The following FCRL5 variants were observed in gnomAD, a reference collection of about 807,000 sequenced individuals.
FCRL5 encodes Fc receptor like 5, also known as Fc receptor-like protein 5.
Under a neutral mutation model 92.1 loss-of-function variants are expected in FCRL5, and 79 were observed. The ratio of observed to expected loss-of-function variants is 0.86; its 90% CI spans 0.72 to 1.03. The LOEUF (loss-of-function observed/expected upper bound fraction) is 1.03, where lower values mean the gene tolerates loss of function less well. FCRL5 is among the 50% of genes least tolerant of loss of function. FCRL5 has a pLI of 0.00. For synonymous variants in FCRL5, 466 were observed against 469.3 expected (o/e 0.99, Z 0.09); for missense variants, 1,160 against 1,181.1 (o/e 0.98, Z 0.26).
At chr1:157,520,597 A>C in intron 11 of FCRL5, 50 bp from the exon 12 acceptor site, 1 of 1,431,908 alleles carries the variant, frequency 7.0e-7, no homozygotes, top group Non-Finnish European at 9.6e-7. Flanking sequence ...GTGGTCTGGA[A>C]CTGCCCGCTC....
At chr1:157,527,166 A>G (rs1650467833) in intron 9 of FCRL5, among the ~76,000 whole-genome samples, 1 of 152,130 alleles carries the variant, frequency 6.6e-6, no homozygotes, top group African/African-American at 2.4e-5. Context: ...TGGGAACCCA[A>G]CCCACTCTGG....
At chr1:157,533,138 C>G (rs984620872) in intron 8 of FCRL5, 5 of 152,050 alleles carry the variant, frequency 3.3e-5, no homozygotes, top group Admixed American at 2.6e-4. Context: ...TATTTTTAAC[C>G]TCAAAGTCAA....
intron 10 of FCRL5, among the ~76,000 whole-genome samples, chr1:157,523,180 A>G (rs1409885530): frequency 6.6e-6 from 1 of 152,226 alleles, no homozygotes; most frequent in East Asian, 1.9e-4. Context: ...ACCTTGCCAA[A>G]GGGAATAAGA....
chr1:157,527,768 C>G lies in FCRL5; in HGVS notation c.1809G>C (p.Glu603Asp), dbSNP rs751829223. The G allele has an allele frequency of 1.9e-6, 3 of 1,614,162 alleles. No homozygotes were observed. Among genetic ancestry groups the G allele is most frequent in the Non-Finnish European group, 2.5e-6 (3 of 1,180,024 alleles). The change falls in exon 9 of 17, where the codon GAG (glutamate) becomes GAC (aspartate). Residue 603 changes from glutamate (E) to aspartate (D), a missense_variant. Coordinates refer to ENST00000361835, the MANE Select transcript of FCRL5 (RefSeq NM_031281.3). ...SPPILYWFYH[E>D]DVTLGSSSAP... ...CTGAGCTGCTCCCCAGGGTGACATC[C>G]TCATGATAAAACCAGTACAGGATTG...
At chr1:157,532,748 A>T (rs1650755337) in intron 8 of FCRL5, 1 of 152,148 alleles carries the variant, frequency 6.6e-6, no homozygotes, top group Non-Finnish European at 1.5e-5. Context: ...TAGTCTGGAG[A>T]GGGGCTTTGA....
intron 5 of FCRL5, among the ~76,000 whole-genome samples, 197 bp from the exon 6 acceptor site, chr1:157,543,334 A>G (rs952108567): frequency 1.3e-5 from 2 of 152,142 alleles, no homozygotes; most frequent in African/African-American, 4.8e-5. Context: ...GAAGTGCCCA[A>G]TTATTCTGAG....
intron 5 of FCRL5, 93 bp downstream of exon 5, chr1:157,544,169 T>C: frequency 7.3e-7 from 1 of 1,377,680 alleles, no homozygotes; most frequent in Non-Finnish European, 1.0e-6. Context: ...TACGAGTTTT[T>C]TCTACAGAGA....
At chr1:157,542,780 T>C in intron 6 of FCRL5, 79 bp downstream of exon 6, 1 of 1,491,580 alleles carries the variant, frequency 6.7e-7, no homozygotes, top group South Asian at 1.3e-5. Flanking sequence ...TACTGGAAGG[T>C]ATATGCTGAC....
intron 8 of FCRL5, 31 bp from the exon 9 acceptor site, chr1:157,527,926 T>C: frequency 1.3e-6 from 2 of 1,513,542 alleles, no homozygotes; most frequent in East Asian, 2.3e-5. Flanking sequence ...GGGACACATG[T>C]ATTTTTAAAA....
At chr1:157,541,424 G>T (rs760473874) in intron 6 of FCRL5, among the ~76,000 whole-genome samples, 7 of 152,184 alleles carry the variant, frequency 4.6e-5, no homozygotes, top group Non-Finnish European at 1.0e-4. Flanking sequence ...CCCTTACTCT[G>T]CTTCTAAATA....
intron 6 of FCRL5, among the ~76,000 whole-genome samples, chr1:157,540,643 A>T (rs1051241699): frequency 6.6e-6 from 1 of 152,070 alleles, no homozygotes; most frequent in African/African-American, 2.4e-5. Flanking sequence ...ACCTACCTTT[A>T]ACATCTCTAC....
intron 2 of FCRL5, chr1:157,547,502 C>T: frequency 2.0e-6 from 1 of 506,760 alleles, no homozygotes; most frequent in Non-Finnish European, 3.7e-6. Context: ...CAATGCTGCG[C>T]TGCCATTTCA....
At chr1:157,544,702 T>G in intron 4 of FCRL5, 129 bp downstream of exon 4, 1 of 1,437,802 alleles carries the variant, frequency 7.0e-7, no homozygotes, top group Non-Finnish European at 9.6e-7. Flanking sequence ...ATACTTCCTC[T>G]GCTCCTTGCA....
Position 157,552,432 on chromosome 1 carries a change from G to T in FCRL5, c.-70C>A, listed in dbSNP as rs1210589282. ...TCAATTCCAAAACAGGTTTGGACTT[G>T]ATCTTACAGTCAGGACACTGCACAC... On this transcript the variant is annotated 5_prime_UTR_variant, in exon 1 of 17. An upstream open reading frame in the 5' UTR gains an earlier in-frame stop. Coordinates refer to ENST00000361835, the MANE Select transcript of FCRL5 (RefSeq NM_031281.3). The T allele has an allele frequency of 1.9e-6, 3 of 1,540,674 alleles. No homozygotes were observed. Among genetic ancestry groups the T allele is most frequent in the Non-Finnish European group, 2.7e-6 (3 of 1,113,672 alleles).
At chr1:157,543,619 C>T (rs1294518415) in intron 5 of FCRL5, among the ~76,000 whole-genome samples, 3 of 152,152 alleles carry the variant, frequency 2.0e-5, no homozygotes, top group African/African-American at 7.2e-5. Flanking sequence ...ATCACATTGC[C>T]TCCTTATAAG....
chr1:157,551,575 T>G (rs1157598623), intron 1 of FCRL5, among the ~76,000 whole-genome samples: 1 of 152,222 alleles, frequency 6.6e-6, no homozygotes, highest in Non-Finnish European at 1.5e-5. Context: ...GGAGCCCTTC[T>G]ATGTCATGAC....
chr1:157,533,845 C>T (rs758840458), intron 8 of FCRL5: 2 of 154,580 alleles, frequency 1.3e-5, no homozygotes, highest in African/African-American at 2.4e-5. Flanking sequence ...TTAAAAATAA[C>T]CTCTTTACTC....
In FCRL5 at chr1:157,518,447, C is replaced by T. The variant is rs199816973; in HGVS notation, c.2794G>A (p.Glu932Lys). 179 of 1,613,998 alleles carry T rather than the reference C, an allele frequency of 1.1e-4. No homozygotes were observed. The highest frequency in any genetic ancestry group is 4.9e-4 in the Middle Eastern group (3 of 6,084). ...VVYSEVRIIQ[E>K]KKKHAVASDP... is the part of the protein sequence containing the mutation. The stretch of plus-strand genomic sequence containing the variant: ...GTCTTACCTGCATGTTTCTTTTTCT[C>T]TTGGATGATCCGTACTTCTGAGTAA... Residue 932 changes from glutamate to lysine, a missense_variant, in exon 15 of 17, where the codon GAG becomes AAG. Glu to Lys is a moderately conservative substitution (Grantham distance 56). Transcript: ENST00000361835.
Position 157,534,643 on chromosome 1 carries a change from C to A in FCRL5, c.1652G>T (p.Arg551Leu), listed in dbSNP as rs73011568. The change falls in exon 8 of 17, where the codon CGC (arginine) becomes CTC (leucine). Residue 551 changes from arginine (R) to leucine (L), a missense_variant. By Grantham distance (102) the Arg-to-Leu change is moderately radical. Coordinates refer to ENST00000361835, the MANE Select transcript of FCRL5 (RefSeq NM_031281.3). ...GACAAAAAGGCTCACCACTTCACTG[C>A]GCTGGGGACCAAAGCCATTGTCAGC... is the stretch of plus-strand genomic sequence containing the variant. ...CTADNGFGPQ[R>L]SEVVSLFVTV... 7.4e-5 allele frequency: 120 copies of A among 1,614,082 alleles called. 1 individual carries two copies. In the South Asian group the frequency reaches 8.2e-4, roughly 11 times the overall value.
Sources: gnomAD v4.1 joint callset for allele counts (sites outside exome capture counted in the v4.1 genomes callset) on GRCh38, gnomAD v4.1.1 for gene constraint, MANE v1.5 for transcripts, NCBI Gene and HGNC (gene_info 2026-07-23, HGNC 2026-07-21) for gene names.